FHIT: variants seen among roughly 807,000 people sequenced by gnomAD.
The protein encoded by FHIT is bis(5'-adenosyl)-triphosphatase.
Under a neutral mutation model 17.9 loss-of-function variants are expected in FHIT, and 19 were observed. The observed-to-expected ratio is 1.06, with a 90% CI of 0.74 to 1.56. The LOEUF (loss-of-function observed/expected upper bound fraction) is 1.56. Ranked by LOEUF, FHIT falls within the 40% of genes most tolerant of loss-of-function variation. The pLI is 0.00. For synonymous variants in FHIT, 81 were observed against 69.7 expected (o/e 1.16, Z -0.81); for missense variants, 248 against 189.2 (o/e 1.31, Z -1.82).
chr3:59,938,416 G>A (rs1482707221), intron 7 of FHIT, among the ~76,000 whole-genome samples: 1 of 152,084 alleles, frequency 6.6e-6, no homozygotes, highest in African/African-American at 2.4e-5. Flanking sequence ...GGCAGAATGG[G>A]GAGATACAGG....
chr3:60,834,395 G>A (rs1702448846), intron 3 of FHIT, among the ~76,000 whole-genome samples: 1 of 152,150 alleles, frequency 6.6e-6, no homozygotes, highest in Admixed American at 6.5e-5. Context: ...TTTGCCATCT[G>A]TATAACCTCT....
intron 5 of FHIT, among the ~76,000 whole-genome samples, chr3:60,173,919 T>TATATATATATATATATA (rs1559698680): frequency 5.8e-5 from 1 of 17,268 alleles, no homozygotes; most frequent in African/African-American, 2.8e-4. Context: ...ATATATATGT[T>TATATATATATATATATA]TTTTTTTTTT....
At chr3:59,792,025 CTA>C (rs1699585629) in intron 8 of FHIT, among the ~76,000 whole-genome samples, 1 of 54,448 alleles carries the variant, frequency 1.8e-5, no homozygotes, top group African/African-American at 4.2e-5. Context: ...TTAATCATGG[CTA>C]TGGTAGTCTA....
At chr3:60,072,632 G>C (rs1702827738) in intron 5 of FHIT, among the ~76,000 whole-genome samples, 1 of 151,376 alleles carries the variant, frequency 6.6e-6, no homozygotes, top group African/African-American at 2.5e-5. Flanking sequence ...ACCTAAAAAA[G>C]TCAAGGACTT....
intron 5 of FHIT, among the ~76,000 whole-genome samples, chr3:60,494,505 C>T (rs1445938384): frequency 6.6e-6 from 1 of 152,030 alleles, no homozygotes; most frequent in Non-Finnish European, 1.5e-5. Context: ...TCAAAATGTA[C>T]AATTAAATCA....
At chr3:60,798,459 T>C (rs1421355324) in intron 4 of FHIT, among the ~76,000 whole-genome samples, 2 of 152,238 alleles carry the variant, frequency 1.3e-5, no homozygotes, top group African/African-American at 4.8e-5. Context: ...GCTTCACCTA[T>C]ACATTTAGAT....
intron 7 of FHIT, among the ~76,000 whole-genome samples, chr3:59,941,166 AG>A (rs1250219399): frequency 6.6e-6 from 1 of 152,222 alleles, no homozygotes; most frequent in Non-Finnish European, 1.5e-5. Flanking sequence ...AATTCTTCAA[AG>A]TAATAACAGA....
intron 5 of FHIT, among the ~76,000 whole-genome samples, chr3:60,283,530 C>A (rs1576418962): frequency 1.3e-5 from 2 of 151,996 alleles, no homozygotes; most frequent in African/African-American, 4.8e-5. Flanking sequence ...TTGTTTTTAA[C>A]ACATCTCAAA....
chr3:61,040,057 T>C (rs1189095548), intron 3 of FHIT, among the ~76,000 whole-genome samples: 1 of 152,146 alleles, frequency 6.6e-6, no homozygotes, highest in Admixed American at 6.6e-5. Flanking sequence ...AATACTGTGG[T>C]TTTTCTTGAA....
intron 4 of FHIT, among the ~76,000 whole-genome samples, chr3:60,689,946 T>G (rs1408960227): frequency 2.0e-5 from 3 of 152,260 alleles, no homozygotes; most frequent in African/African-American, 4.8e-5. Flanking sequence ...ATCTCACTTT[T>G]TGTTAACTTG....
At chr3:60,369,732 C>A (rs1353434246) in intron 5 of FHIT, among the ~76,000 whole-genome samples, 1 of 152,154 alleles carries the variant, frequency 6.6e-6, no homozygotes, top group Non-Finnish European at 1.5e-5. Flanking sequence ...CTGGCTGCGA[C>A]AGGACTCCAA....
intron 3 of FHIT, among the ~76,000 whole-genome samples, chr3:61,030,852 C>G (rs2032977871): frequency 6.6e-6 from 1 of 152,100 alleles, no homozygotes; most frequent in Admixed American, 6.5e-5. Context: ...AAGGGTAAAG[C>G]CTGTGCAAAA....
At chr3:60,441,799 T>TACACACAC (rs2030895397) in intron 5 of FHIT, among the ~76,000 whole-genome samples, 2 of 118,652 alleles carry the variant, frequency 1.7e-5, no homozygotes, top group Non-Finnish European at 3.4e-5. Flanking sequence ...TATATATATA[T>TACACACAC]ATATATATAT....
chr3:60,961,404 CT>C (rs1553780759), intron 3 of FHIT, among the ~76,000 whole-genome samples: 1 of 152,102 alleles, frequency 6.6e-6, no homozygotes. Flanking sequence ...ATGGTAGTTT[CT>C]TTTGCTGTGC....
intron 5 of FHIT, among the ~76,000 whole-genome samples, chr3:60,338,951 A>G (rs1559833138): frequency 6.6e-6 from 1 of 152,162 alleles, no homozygotes; most frequent in Non-Finnish European, 1.5e-5. Flanking sequence ...TAACCCTGAA[A>G]TAGACATAAC....
intron 3 of FHIT, among the ~76,000 whole-genome samples, chr3:60,915,772 A>T (rs947297404): frequency 4.6e-5 from 7 of 152,184 alleles, no homozygotes; most frequent in African/African-American, 7.2e-5. Context: ...AGTCAAGTAC[A>T]ATACAGCCCA....
At chr3:59,970,397 C>A (rs926565415) in intron 7 of FHIT, among the ~76,000 whole-genome samples, 2 of 152,114 alleles carry the variant, frequency 1.3e-5, no homozygotes, top group East Asian at 1.9e-4. Context: ...TTGGTGTTGA[C>A]TGAACACAAA....
chr3:59,990,281 G>A (rs1182678405), intron 7 of FHIT, among the ~76,000 whole-genome samples: 1 of 152,044 alleles, frequency 6.6e-6, no homozygotes, highest in African/African-American at 2.4e-5. Flanking sequence ...TGATGAGAGT[G>A]AGGGGAATGA....
At chr3:60,342,464 A>C (rs1335185226) in intron 5 of FHIT, among the ~76,000 whole-genome samples, 1 of 152,198 alleles carries the variant, frequency 6.6e-6, no homozygotes, top group Non-Finnish European at 1.5e-5. Context: ...ATTTAACATA[A>C]AATTTACCAT....
Sources: allele counts gnomAD v4.1 joint callset (sites outside exome capture counted in the v4.1 genomes callset), GRCh38; gene constraint gnomAD v4.1.1; transcripts MANE v1.5; gene names NCBI Gene and HGNC (gene_info 2026-07-23, HGNC 2026-07-21).